Variants in CA7 observed in about 807,000 individuals in gnomAD.
CA7 encodes carbonate dehydratase VII.
CA7 carries 13 observed loss-of-function variants against 31.4 expected under a neutral mutation model. The ratio of observed to expected loss-of-function variants is 0.41; its 90% CI spans 0.27 to 0.66. The LOEUF is 0.66. Ranked by LOEUF, CA7 falls within the 30% of genes least tolerant of loss-of-function variation. The pLI is 0.28. For missense variants in CA7, 215 were observed against 351.0 expected (o/e 0.61, Z 3.10); for synonymous variants, 128 against 133.2 (o/e 0.96, Z 0.27).
At chr16:66,852,976 TC>T in intron 6 of CA7, 109 bp downstream of exon 6, 2 of 982,880 alleles carry the variant, frequency 2.0e-6, no homozygotes, top group Non-Finnish European at 2.9e-6. Flanking sequence ...CCTTCAAGGT[TC>T]CTCCCCATTT....
intron 3 of CA7, among the ~76,000 whole-genome samples, chr16:66,850,867 C>T (rs932282067): frequency 5.3e-5 from 8 of 152,132 alleles, no homozygotes; most frequent in African/African-American, 1.4e-4. Context: ...GTCTGTGCGT[C>T]GTGGAGTTTT....
chr16:66,850,485 C>T (rs1961017263), intron 2 of CA7, 56 bp from the exon 3 acceptor site: 2 of 981,912 alleles, frequency 2.0e-6, no homozygotes, highest in South Asian at 1.3e-5. Context: ...CTGGTCCTGG[C>T]ACTGGGCTGT....
At chr16:66,847,461 C>G (rs1004360360) in intron 2 of CA7, among the ~76,000 whole-genome samples, 2 of 152,224 alleles carry the variant, frequency 1.3e-5, no homozygotes, top group Admixed American at 6.5e-5. Flanking sequence ...GTCGATAGAT[C>G]TGGCACACAG....
Position 66,853,593 on chromosome 16 carries a change from G to T in CA7, c.*95G>T. 1 of 1,524,918 alleles carries T rather than the reference G, an allele frequency of 6.6e-7. No individual in the cohort carries two copies. The highest frequency in any genetic ancestry group is 8.9e-7 in the Non-Finnish European group (1 of 1,127,142). 94.5% of individuals were successfully genotyped at this position (1,524,918 alleles called of 1,614,324 possible). On this transcript the variant is annotated 3_prime_UTR_variant, in exon 7 of 7. Coordinates refer to ENST00000338437, the MANE Select transcript of CA7 (RefSeq NM_005182.3). The surrounding 1 kb of genome is among the most constrained non-coding windows in gnomAD (Gnocchi z 4.5). ...ACCATCTGAGGCTTCCTCCCTGGGG[G>T]GTGCTGGGGACCCTCCTTCAGCCAG...
At chr16:66,852,586 GAAAA>G (rs111695989) in intron 5 of CA7, 122 bp from the exon 6 acceptor site, 11 of 439,732 alleles carry the variant, frequency 2.5e-5, no homozygotes, top group South Asian at 7.9e-5. Flanking sequence ...GAAAAGAAAA[GAAAA>G]AAAAAAGAAA....
chr16:66,846,354 G>C (rs560360624), intron 1 of CA7, among the ~76,000 whole-genome samples: 1 of 152,338 alleles, frequency 6.6e-6, no homozygotes, highest in African/African-American at 2.4e-5. Context: ...TGGCTGCTCT[G>C]TGTGCACAAT....
chr16:66,850,730 T>G (rs1961027645), intron 3 of CA7, 71 bp downstream of exon 3: 5 of 1,135,368 alleles, frequency 4.4e-6, no homozygotes, highest in Admixed American at 3.4e-5. Flanking sequence ...GTCAGGGGCT[T>G]GAGGATGCCT....
chr16:66,851,627 A>C (rs74938147), intron 4 of CA7, 37 bp from the exon 5 acceptor site: 2 of 1,613,534 alleles, frequency 1.2e-6, no homozygotes, highest in East Asian at 4.5e-5. Context: ...TCTAGAACAC[A>C]GTGGGCTCTG....
intron 1 of CA7, among the ~76,000 whole-genome samples, chr16:66,846,221 C>T (rs1960926336): frequency 6.6e-6 from 1 of 151,222 alleles, no homozygotes. Flanking sequence ...ATGTGTTTTG[C>T]TGTGGTCCTT....
At chr16:66,844,926 C>T (rs950189203) in intron 1 of CA7, 17 of 1,020,710 alleles carry the variant, frequency 1.7e-5, no homozygotes, top group Non-Finnish European at 1.8e-5. Flanking sequence ...CTGCGGGGAG[C>T]GCGCACGGCA....
intron 1 of CA7, chr16:66,845,043 G>C: frequency 1.0e-6 from 1 of 986,274 alleles, no homozygotes; most frequent in Non-Finnish European, 1.2e-6. Flanking sequence ...CGGCCGGTAC[G>C]TGAGGGAAGG....
At chr16:66,851,840 G>A (rs905802583) in intron 5 of CA7, 114 bp downstream of exon 5, 4 of 931,062 alleles carry the variant, frequency 4.3e-6, no homozygotes, top group African/African-American at 1.6e-5. Flanking sequence ...CTGAGACCAA[G>A]GAGGAGGGTC....
At chr16:66,844,774 G>T (rs1435867456) in intron 1 of CA7, among the ~76,000 whole-genome samples, 7 of 152,216 alleles carry the variant, frequency 4.6e-5, no homozygotes, top group Non-Finnish European at 7.3e-5. Flanking sequence ...GTGTCCTGCC[G>T]CCTCCTCCGC....
rs1055293988 is a variant in CA7 at position 66,844,565 on chromosome 16, C to T, written c.40+38C>T. On this transcript the variant is annotated intron_variant, in intron 1 of 6. Transcript: ENST00000338437. ...CTCCCCCACCGCCTCTGGCTCGGAC[C>T]CCCGACCCAACTGCACTCGCCCCAA... 2.0e-6 allele frequency: 3 copies of T among 1,519,536 alleles called. No homozygotes were observed. The African/African-American group carries it at 4.2e-5, about 21-fold the overall frequency. The allele number at this position is 1,519,536 out of a possible 1,614,324, so 94.1% of individuals were successfully genotyped here.
chr16:66,845,260 G>A (rs901058656), intron 1 of CA7: 16 of 984,312 alleles, frequency 1.6e-5, no homozygotes, highest in Admixed American at 6.1e-5. Context: ...CTGGAGTGTG[G>A]GTCTGGGGCA....
chr16:66,852,903 G>A (rs1567507678), intron 6 of CA7, 36 bp downstream of exon 6: 1 of 1,594,374 alleles, frequency 6.3e-7, no homozygotes, highest in East Asian at 2.2e-5. Flanking sequence ...GAGGGACATG[G>A]CACTCAGGGC....
chr16:66,851,453 T>G lies in CA7; in HGVS notation c.358-10T>G. The G allele has an allele frequency of 1.2e-6, 2 of 1,613,306 alleles. No homozygotes were observed. Among genetic ancestry groups the G allele is most frequent in the Non-Finnish European group, 1.7e-6 (2 of 1,179,200 alleles). On this transcript the variant is annotated splice_polypyrimidine_tract_variant and intron_variant, in intron 3 of 6. Transcript: ENST00000338437. Reference sequence around the variant, plus strand: ...GAGGCACGAAGCATTGGCCTGTTGTTGCCCCATAGCTGCATCTGGTTCACT... The same window carrying G: ...GAGGCACGAAGCATTGGCCTGTTGTGGCCCCATAGCTGCATCTGGTTCACT...
At chr16:66,851,598 G>T in intron 4 of CA7, 40 bp downstream of exon 4, 2 of 1,612,234 alleles carry the variant, frequency 1.2e-6, no homozygotes, top group Non-Finnish European at 1.7e-6. Flanking sequence ...GGCATGGGAG[G>T]CCTGGCACTG....
At chr16:66,844,955 G>A in intron 1 of CA7, 1 of 1,002,604 alleles carries the variant, frequency 1.0e-6, no homozygotes, top group Non-Finnish European at 1.2e-6. Context: ...GGGACCTCGG[G>A]GGAGCGGGGC....
Sources: allele counts gnomAD v4.1 joint callset (sites outside exome capture counted in the v4.1 genomes callset), GRCh38; gene constraint gnomAD v4.1.1; non-coding constraint Gnocchi (gnomAD v3.1); transcripts MANE v1.5; gene names NCBI Gene and HGNC (gene_info 2026-07-23, HGNC 2026-07-21).